The following SH2D4A variants were observed in gnomAD, a reference collection of about 807,000 sequenced individuals.
SH2D4A encodes SH2 domain containing 4A.
In SH2D4A, 70 loss-of-function variants were observed where a neutral mutation model predicts 64.7. That is an observed-to-expected ratio of 1.08 (90% CI 0.89 to 1.32). SH2D4A has a LOEUF of 1.32. Ranked by LOEUF, SH2D4A falls within the 40% of genes most tolerant of loss-of-function variation. SH2D4A has a pLI of 0.00. For synonymous variants in SH2D4A, 268 were observed against 200.7 expected (o/e 1.34, Z -2.83); for missense variants, 706 against 540.1 (o/e 1.31, Z -3.04).
chr8:19,341,611 G>A (rs1234607040), intron 4 of SH2D4A, among the ~76,000 whole-genome samples: 1 of 152,124 alleles, frequency 6.6e-6, no homozygotes, highest in Admixed American at 6.5e-5. Flanking sequence ...GGGAGGCCGA[G>A]GCAGATGGAT....
chr8:19,381,149 G>A (rs546372802), intron 8 of SH2D4A, among the ~76,000 whole-genome samples: 7 of 151,500 alleles, frequency 4.6e-5, no homozygotes, highest in South Asian at 2.1e-4. Context: ...TCTCAAGTTC[G>A]ATCAATTCTC....
intron 6 of SH2D4A, chr8:19,363,864 G>C: frequency 1.7e-6 from 1 of 581,926 alleles, no homozygotes; most frequent in Non-Finnish European, 3.1e-6. Context: ...AAAACCCCCA[G>C]TCCTGTATGA....
chr8:19,316,985 A>C (rs1387011543), intron 1 of SH2D4A, among the ~76,000 whole-genome samples: 5 of 152,152 alleles, frequency 3.3e-5, no homozygotes, highest in Non-Finnish European at 7.3e-5. Context: ...AGGGCGGGGG[A>C]GACTGGAGGA....
rs150997986 is a variant in SH2D4A at position 19,380,660 on chromosome 8, T to C, written c.1048+7000T>C. Among the ~76,000 whole-genome samples, 6 of 152,362 alleles carry C rather than the reference T, an allele frequency of 3.9e-5. No individual in the cohort carries two copies. In the East Asian group the frequency reaches 1.2e-3, roughly 29 times the overall value. On this transcript the variant is annotated intron_variant, in intron 8 of 9. Coordinates refer to ENST00000265807, the MANE Select transcript of SH2D4A (RefSeq NM_022071.4). The stretch of plus-strand genomic sequence containing the variant: ...TTCCCTACTGAATGGTGTTAGCACC[T>C]TTGTCAAAAATCATTTGACCATGTC...
chr8:19,336,689 C>G (rs1426287009), intron 4 of SH2D4A, among the ~76,000 whole-genome samples: 2 of 151,864 alleles, frequency 1.3e-5, no homozygotes, highest in Non-Finnish European at 2.9e-5. Flanking sequence ...GACAGTGAGA[C>G]CCCCATCTCT....
chr8:19,394,541 G>C lies in SH2D4A; in HGVS notation c.1273-9G>C, dbSNP rs1374681513. 2 of 1,598,452 alleles carry C rather than the reference G, an allele frequency of 1.3e-6. No individual in the cohort carries two copies. Among genetic ancestry groups the C allele is most frequent in the South Asian group, 1.1e-5 (1 of 88,794 alleles). On this transcript the variant is annotated splice_polypyrimidine_tract_variant and intron_variant, in intron 9 of 9. Coordinates refer to ENST00000265807, the MANE Select transcript of SH2D4A (RefSeq NM_022071.4). Reference sequence around the variant, plus strand: ...TACACTATCTGACCCCGTGCCTTCTGATTGACAGGAGGAACCCATCACTTC... The same window carrying C: ...TACACTATCTGACCCCGTGCCTTCTCATTGACAGGAGGAACCCATCACTTC...
intron 2 of SH2D4A, among the ~76,000 whole-genome samples, chr8:19,326,208 AT>A (rs1221835945): frequency 6.6e-6 from 1 of 152,202 alleles, no homozygotes; most frequent in Non-Finnish European, 1.5e-5. Flanking sequence ...CAACTTCCTC[AT>A]TGCAAAATAG....
chr8:19,340,958 T>G (rs779310717), intron 4 of SH2D4A, among the ~76,000 whole-genome samples: 17 of 152,214 alleles, frequency 1.1e-4, no homozygotes, highest in Non-Finnish European at 2.4e-4. Flanking sequence ...AGTTAAGTCT[T>G]TTCACAATAA....
At chr8:19,344,707 G>C (rs756955740) in intron 4 of SH2D4A, among the ~76,000 whole-genome samples, 2 of 152,134 alleles carry the variant, frequency 1.3e-5, no homozygotes, top group South Asian at 2.1e-4. Flanking sequence ...GTAGGCTGTC[G>C]GGTCAGTAGT....
intron 7 of SH2D4A, among the ~76,000 whole-genome samples, chr8:19,367,553 C>A (rs747703967): frequency 1.7e-4 from 26 of 152,032 alleles, no homozygotes; most frequent in Non-Finnish European, 3.5e-4. Flanking sequence ...TTGAGAAATG[C>A]CTATTGAGGT....
chr8:19,367,017 A>G (rs1325789251), intron 7 of SH2D4A, among the ~76,000 whole-genome samples: 1 of 152,190 alleles, frequency 6.6e-6, no homozygotes, highest in Non-Finnish European at 1.5e-5. Flanking sequence ...TATTCCTACC[A>G]TCAGGCAATG....
intron 8 of SH2D4A, among the ~76,000 whole-genome samples, chr8:19,387,922 T>C (rs1214402629): frequency 2.0e-5 from 3 of 152,158 alleles, no homozygotes; most frequent in African/African-American, 7.2e-5. Context: ...TGAGGATGAA[T>C]AACGCTAATA....
chr8:19,394,677 C>G lies in SH2D4A; in HGVS notation c.*35C>G, dbSNP rs191083153. The G allele has an allele frequency of 2.9e-5, 45 of 1,543,872 alleles. No individual in the cohort carries two copies. The highest frequency in any genetic ancestry group is 3.7e-5 in the Non-Finnish European group (42 of 1,132,856). On this transcript the variant is annotated 3_prime_UTR_variant, in exon 10 of 10. Transcript: ENST00000265807. ...TCAGGGTCATCCTACAGCCTCCAAG[C>G]GGGCTTTCCCCTGGACAAATGCCAC...
intron 4 of SH2D4A, among the ~76,000 whole-genome samples, chr8:19,352,851 A>T (rs949557544): frequency 6.6e-6 from 1 of 152,036 alleles, no homozygotes; most frequent in Non-Finnish European, 1.5e-5. Flanking sequence ...TACTAAAATT[A>T]AAAAAAATTT....
chr8:19,393,320 A>C lies in SH2D4A; in HGVS notation c.1051A>C (p.Ile351Leu), dbSNP rs771805216. ...SDTIAPWFHG[I>L]LTLKKANELL... The stretch of plus-strand genomic sequence containing the variant: ...TGCCTTTTTTTGCTTTGCCACAGGA[A>C]TTCTCACACTCAAGAAAGCAAATGA... Residue 351 changes from isoleucine to leucine, a missense_variant and splice_region_variant, in exon 9 of 10, where the codon ATT becomes CTT. Coordinates refer to ENST00000265807, the MANE Select transcript of SH2D4A (RefSeq NM_022071.4). The C allele has an allele frequency of 9.9e-6, 16 of 1,614,016 alleles. No homozygotes were observed. In the East Asian group the frequency reaches 3.6e-4, roughly 36 times the overall value.
intron 2 of SH2D4A, among the ~76,000 whole-genome samples, chr8:19,330,829 T>A (rs534983772): frequency 1.5e-4 from 22 of 146,446 alleles, no homozygotes; most frequent in Admixed American, 1.4e-3. Context: ...ATAAAAAAAA[T>A]ATTATTAGTT....
intron 2 of SH2D4A, among the ~76,000 whole-genome samples, chr8:19,331,325 G>T (rs1342895387): frequency 6.6e-6 from 1 of 152,136 alleles, no homozygotes; most frequent in African/African-American, 2.4e-5. Flanking sequence ...CATCAAACAG[G>T]GCCCAGCACA....
intron 6 of SH2D4A, 196 bp from the exon 7 acceptor site, chr8:19,363,876 G>C: frequency 1.7e-6 from 1 of 596,586 alleles, no homozygotes; most frequent in Non-Finnish European, 3.0e-6. Flanking sequence ...CCTGTATGAA[G>C]AGAGGAATCC....
Position 19,352,086 on chromosome 8 carries a change from A to G in SH2D4A, c.514-5117A>G, listed in dbSNP as rs2052714615. ...GCCTGAGCCACCGCCTCCAGCCTAT[A>G]ACCCTACTTATAAACAAAGGGAATA... is the stretch of plus-strand genomic sequence containing the variant. On this transcript the variant is annotated intron_variant, in intron 4 of 9. Coordinates refer to ENST00000265807, the MANE Select transcript of SH2D4A (RefSeq NM_022071.4). Among the ~76,000 whole-genome samples, 4 of 152,308 alleles carry G rather than the reference A, an allele frequency of 2.6e-5. No individual in the cohort carries two copies. In the South Asian group the frequency reaches 8.3e-4, roughly 32 times the overall value.
Sources: gnomAD v4.1 joint callset for allele counts (sites outside exome capture counted in the v4.1 genomes callset) on GRCh38, gnomAD v4.1.1 for gene constraint, MANE v1.5 for transcripts, NCBI Gene and HGNC (gene_info 2026-07-23, HGNC 2026-07-21) for gene names.